The following GPC6 variants were observed in gnomAD, a reference collection of about 807,000 sequenced individuals.
GPC6 encodes the protein glypican-6.
Under a neutral mutation model 55.2 loss-of-function variants are expected in GPC6, and 14 were observed. The observed-to-expected ratio is 0.25, with a 90% CI of 0.17 to 0.40. The LOEUF (loss-of-function observed/expected upper bound fraction) is 0.40, where lower values mean the gene tolerates loss of function less well. Among genes scored for constraint, GPC6 ranks in the 10% least tolerant of loss-of-function variants. The pLI, the probability that GPC6 is intolerant of heterozygous loss-of-function variation, is 1.00. For missense variants in GPC6, 641 were observed against 708.5 expected (o/e 0.90, Z 1.08); for synonymous variants, 278 against 259.6 (o/e 1.07, Z -0.68).
chr13:94,136,378 A>G (rs1043954834), intron 4 of GPC6, among the ~76,000 whole-genome samples: 3 of 152,166 alleles, frequency 2.0e-5, no homozygotes, highest in Non-Finnish European at 4.4e-5. Context: ...AAGGGTGTGC[A>G]TGGACTGGAT....
intron 4 of GPC6, among the ~76,000 whole-genome samples, chr13:94,239,173 C>A (rs1202197536): frequency 6.6e-6 from 1 of 151,970 alleles, no homozygotes; most frequent in African/African-American, 2.4e-5. Flanking sequence ...CCTGTTTCCT[C>A]ATTTAGGGGG....
At chr13:93,603,541 CTG>C (rs746693422) in intron 2 of GPC6, among the ~76,000 whole-genome samples, 3 of 152,142 alleles carry the variant, frequency 2.0e-5, no homozygotes, top group African/African-American at 4.8e-5. Context: ...GGTGAGGAAA[CTG>C]AGACATGGAG....
chr13:93,963,095 G>A (rs1879861914), intron 3 of GPC6, among the ~76,000 whole-genome samples: 1 of 151,984 alleles, frequency 6.6e-6, no homozygotes, highest in South Asian at 2.1e-4. Flanking sequence ...TTCTGCTTAG[G>A]TATTACTTTT....
At chr13:93,454,907 G>A (rs1216078553) in intron 1 of GPC6, among the ~76,000 whole-genome samples, 1 of 152,262 alleles carries the variant, frequency 6.6e-6, no homozygotes, top group African/African-American at 2.4e-5. Context: ...GGCATGGCGG[G>A]CTGCAGGTCC....
intron 4 of GPC6, among the ~76,000 whole-genome samples, chr13:94,122,107 G>A (rs1196398992): frequency 6.6e-6 from 1 of 151,960 alleles, no homozygotes; most frequent in Non-Finnish European, 1.5e-5. Flanking sequence ...TAATGTGAAA[G>A]GTCCTTCTTG....
chr13:93,438,679 T>C (rs1877664236), intron 1 of GPC6, among the ~76,000 whole-genome samples: 2 of 152,208 alleles, frequency 1.3e-5, no homozygotes, highest in Non-Finnish European at 2.9e-5. Context: ...TGGAATCTAC[T>C]TCTATTGAGG....
chr13:93,972,960 TCTCTCC>T lies in GPC6; in HGVS notation c.712-54763_712-54758del, dbSNP rs541554294. ...CTCTCTCTCTGTCTTTCTCTCTCTC[TCTCTCC>T]CTCTCTGTCTCTCTCTCTCTCTCCC... is the stretch of plus-strand genomic sequence containing the variant. On this transcript the variant is annotated intron_variant, in intron 3 of 8. Transcript: ENST00000377047. Among the ~76,000 whole-genome samples the T allele has an allele frequency of 2.3e-3, 344 of 152,094 alleles. 1 individual carries two copies. Among genetic ancestry groups the T allele is most frequent in the African/African-American group, 7.9e-3 (328 of 41,514 alleles).
chr13:93,272,707 G>A (rs1485227286), intron 1 of GPC6, among the ~76,000 whole-genome samples: 1 of 152,176 alleles, frequency 6.6e-6, no homozygotes, highest in East Asian at 1.9e-4. Flanking sequence ...TTCCGTAAAT[G>A]AGGTCATAAA....
intron 1 of GPC6, among the ~76,000 whole-genome samples, chr13:93,485,247 A>C (rs1286366056): frequency 6.6e-6 from 1 of 152,202 alleles, no homozygotes; most frequent in East Asian, 1.9e-4. Flanking sequence ...ACAGGTATGA[A>C]AGCACAGGTG....
chr13:94,343,411 G>A (rs988854167), intron 6 of GPC6, among the ~76,000 whole-genome samples: 2 of 152,104 alleles, frequency 1.3e-5, no homozygotes, highest in African/African-American at 4.8e-5. Context: ...CCCTCCTTTG[G>A]CTCTGAATCA....
At chr13:94,355,343 G>A (rs1189331705) in intron 6 of GPC6, among the ~76,000 whole-genome samples, 1 of 152,034 alleles carries the variant, frequency 6.6e-6, no homozygotes. Flanking sequence ...TCTTTCTTCG[G>A]CCATCGTCCT....
intron 3 of GPC6, among the ~76,000 whole-genome samples, chr13:93,838,193 G>C (rs1011286880): frequency 1.3e-5 from 2 of 152,194 alleles, no homozygotes; most frequent in African/African-American, 4.8e-5. Flanking sequence ...TTGTCCTTGA[G>C]GGATTCACAG....
chr13:93,419,216 T>C (rs1006341498), intron 1 of GPC6, among the ~76,000 whole-genome samples: 6 of 151,454 alleles, frequency 4.0e-5, no homozygotes, highest in African/African-American at 1.5e-4. Context: ...TGGGTAAAAA[T>C]GGGACTATAA....
At chr13:93,581,128 C>T (rs1000099165) in intron 2 of GPC6, among the ~76,000 whole-genome samples, 1 of 152,222 alleles carries the variant, frequency 6.6e-6, no homozygotes, top group East Asian at 1.9e-4. Flanking sequence ...AAAGGTCACT[C>T]ATTGTAAAAA....
At chr13:94,388,685 C>T (rs756069335) in intron 7 of GPC6, among the ~76,000 whole-genome samples, 12 of 152,144 alleles carry the variant, frequency 7.9e-5, no homozygotes, top group East Asian at 1.9e-4. Flanking sequence ...ATCAGGGTGC[C>T]GGCAGATTGG....
intron 6 of GPC6, among the ~76,000 whole-genome samples, chr13:94,342,171 A>G (rs887238580): frequency 6.6e-6 from 1 of 152,228 alleles, no homozygotes; most frequent in Non-Finnish European, 1.5e-5. Context: ...TCGTTCCAGT[A>G]GCTGAAAGTA....
At chr13:93,451,313 A>C (rs1469928821) in intron 1 of GPC6, among the ~76,000 whole-genome samples, 1 of 152,232 alleles carries the variant, frequency 6.6e-6, no homozygotes, top group African/African-American at 2.4e-5. Flanking sequence ...GTAGTTCCTC[A>C]TCTAGATCTT....
At chr13:94,355,971 C>T (rs1220444980) in intron 6 of GPC6, among the ~76,000 whole-genome samples, 2 of 152,104 alleles carry the variant, frequency 1.3e-5, no homozygotes, top group African/African-American at 4.8e-5. Flanking sequence ...GTATTGTTCC[C>T]CTCCATGTGT....
At position 93,664,747 on chromosome 13, in the gene GPC6, A is replaced by G. The variant is rs1290112445; in HGVS notation, c.319+119326A>G. Among the ~76,000 whole-genome samples, 4 of 152,222 alleles carry G rather than the reference A, an allele frequency of 2.6e-5. 1 individual carries two copies. Among genetic ancestry groups the G allele is most frequent in the African/African-American group, 9.6e-5 (4 of 41,544 alleles). On this transcript the variant is annotated intron_variant, in intron 2 of 8. Coordinates refer to ENST00000377047, the MANE Select transcript of GPC6 (RefSeq NM_005708.5). Reference sequence around the variant, plus strand: ...ATTCTCCTGCCTCAGCCTCCTGAGTAGCTGGGATTACAGGCATGCGCCACC... The same window carrying G: ...ATTCTCCTGCCTCAGCCTCCTGAGTGGCTGGGATTACAGGCATGCGCCACC...
Sources: gnomAD v4.1 joint callset for allele counts (sites outside exome capture counted in the v4.1 genomes callset) on GRCh38, gnomAD v4.1.1 for gene constraint, MANE v1.5 for transcripts, NCBI Gene and HGNC (gene_info 2026-07-23, HGNC 2026-07-21) for gene names.